Variants in ASAP1 observed in about 807,000 individuals in gnomAD.
ASAP1 encodes arf-GAP with SH3 domain, ANK repeat and PH domain-containing protein 1.
ASAP1 carries 43 observed loss-of-function variants against 145.2 expected under a neutral mutation model. The ratio of observed to expected loss-of-function variants is 0.30; its 90% CI spans 0.23 to 0.38. The LOEUF (loss-of-function observed/expected upper bound fraction) is 0.38. ASAP1 is among the 10% of genes least tolerant of loss of function. The pLI is 1.00. For synonymous variants in ASAP1, 546 were observed against 515.5 expected (o/e 1.06, Z -0.80); for missense variants, 1,018 against 1,355.3 (o/e 0.75, Z 3.91).
chr8:130,276,174 T>C (rs1349771319), intron 3 of ASAP1, among the ~76,000 whole-genome samples: 6 of 152,184 alleles, frequency 3.9e-5, no homozygotes, highest in East Asian at 1.9e-4. Flanking sequence ...AATTATGATG[T>C]TCCTGGGCAC....
intron 3 of ASAP1, among the ~76,000 whole-genome samples, chr8:130,327,887 G>C (rs77580775): frequency 0.026 from 3,998 of 152,284 alleles, 63 homozygotes; most frequent in Middle Eastern, 0.044. Context: ...AGTATGCTAC[G>C]TGAATTAAGC....
chr8:130,127,268 G>A (rs1374327589), intron 16 of ASAP1, among the ~76,000 whole-genome samples: 1 of 152,146 alleles, frequency 6.6e-6, no homozygotes, highest in Non-Finnish European at 1.5e-5. Flanking sequence ...CCAGGCTAGA[G>A]TGCAATGGTG....
chr8:130,173,811 G>A (rs575442899), intron 9 of ASAP1, among the ~76,000 whole-genome samples: 3 of 151,016 alleles, frequency 2.0e-5, no homozygotes, highest in Non-Finnish European at 2.9e-5. Context: ...GGTGGCTCAC[G>A]CCTGTAATCC....
At chr8:130,363,972 C>T (rs1286229553) in intron 2 of ASAP1, among the ~76,000 whole-genome samples, 1 of 152,128 alleles carries the variant, frequency 6.6e-6, no homozygotes, top group Non-Finnish European at 1.5e-5. Context: ...CACTTAGGCT[C>T]ATGTTCCCAT....
chr8:130,271,064 CCCACTGATCAGGAGAG>C (rs1408949859), intron 3 of ASAP1, among the ~76,000 whole-genome samples: 1 of 152,208 alleles, frequency 6.6e-6, no homozygotes, highest in East Asian at 1.9e-4. Context: ...CCAAGGATGG[CCCACTGATCAGGAGAG>C]CCTGCTGCCG....
At chr8:130,303,376 G>A (rs765307477) in intron 3 of ASAP1, among the ~76,000 whole-genome samples, 5 of 152,170 alleles carry the variant, frequency 3.3e-5, no homozygotes, top group Admixed American at 2.0e-4. Context: ...TGAACTGGAT[G>A]ACTCTTTGTT....
At chr8:130,351,075 G>C (rs1201780297) in intron 3 of ASAP1, among the ~76,000 whole-genome samples, 2 of 152,220 alleles carry the variant, frequency 1.3e-5, no homozygotes, top group Non-Finnish European at 2.9e-5. Context: ...CAGAAGAACA[G>C]AGAAAAGCAA....
intron 24 of ASAP1, among the ~76,000 whole-genome samples, chr8:130,101,167 G>A (rs9942745): frequency 0.16 from 24,590 of 152,142 alleles, 2,231 homozygotes; most frequent in African/African-American, 0.23. Context: ...ATACAAAGCT[G>A]TTCTGGTTAC....
At chr8:130,243,872 T>C (rs1818691713) in intron 3 of ASAP1, among the ~76,000 whole-genome samples, 1 of 152,186 alleles carries the variant, frequency 6.6e-6, no homozygotes, top group South Asian at 2.1e-4. Context: ...CTTATTGTTA[T>C]GCTCCTGCGT....
intron 1 of ASAP1, among the ~76,000 whole-genome samples, chr8:130,419,779 G>A (rs773049608): frequency 2.0e-5 from 3 of 152,038 alleles, no homozygotes; most frequent in Non-Finnish European, 2.9e-5. Context: ...ACTGTGAAAC[G>A]GCTGCTGGCC....
intron 3 of ASAP1, among the ~76,000 whole-genome samples, chr8:130,341,855 A>G (rs1458549042): frequency 1.3e-5 from 2 of 152,248 alleles, no homozygotes; most frequent in African/African-American, 2.4e-5. Flanking sequence ...GTAAAAGAGC[A>G]GCAAGAAACG....
At chr8:130,137,072 C>T (rs759223911) in intron 13 of ASAP1, 34 bp from the exon 14 acceptor site, 10 of 1,558,670 alleles carry the variant, frequency 6.4e-6, no homozygotes, top group Non-Finnish European at 8.9e-6. Flanking sequence ...AAGTTACATG[C>T]AGCTCCACTC....
At position 130,053,883 on chromosome 8, in the gene ASAP1, T is replaced by C. The variant is rs1011248352; in HGVS notation, c.*848A>G. On this transcript the variant is annotated 3_prime_UTR_variant, in exon 30 of 30. Transcript: ENST00000518721. ...TTTAAAAAATGTACAATTCCACTTA[T>C]CCATACTATTCCTTTATAAAAGGCA... 1.3e-5 allele frequency: 2 copies of C among 152,388 alleles called. 1 individual carries two copies. Among genetic ancestry groups the C allele is most frequent in the South Asian group, 4.1e-4 (2 of 4,832 alleles). 9.4% of individuals were successfully genotyped at this position (152,388 alleles called of 1,614,324 possible).
chr8:130,365,989 A>G (rs1565252288), intron 2 of ASAP1, among the ~76,000 whole-genome samples: 1 of 152,186 alleles, frequency 6.6e-6, no homozygotes, highest in Non-Finnish European at 1.5e-5. Flanking sequence ...TAAGGATAAC[A>G]TGCTTTCCAA....
intron 15 of ASAP1, among the ~76,000 whole-genome samples, 166 bp downstream of exon 15, chr8:130,134,130 C>A (rs892389902): frequency 6.6e-6 from 1 of 152,108 alleles, no homozygotes; most frequent in Non-Finnish European, 1.5e-5. Context: ...AGAGGGAGAA[C>A]CACAGACAGA....
rs768179280 is a variant in ASAP1 at position 130,267,103 on chromosome 8, AAAAC to A, written c.187-30113_187-30110del. Among the ~76,000 whole-genome samples the A allele has an allele frequency of 6.9e-3, 766 of 110,236 alleles. 8 individuals are homozygous for A. The highest frequency in any genetic ancestry group is 0.032 in the Admixed American group (359 of 11,342). The allele number at this position is 110,236 out of a possible 152,430, so 72.3% of individuals were successfully genotyped here. On this transcript the variant is annotated intron_variant, in intron 3 of 29. Coordinates refer to ENST00000518721, the MANE Select transcript of ASAP1 (RefSeq NM_018482.4). Reference sequence around the variant, plus strand: ...ACAGCCCAGAGTGAGACTCTGTCTCAAAACAAACAAACAAACAAACAAAAAAAAA... The same window carrying A: ...ACAGCCCAGAGTGAGACTCTGTCTCAAAACAAACAAACAAACAAAAAAAAA...
intron 12 of ASAP1, among the ~76,000 whole-genome samples, chr8:130,156,295 A>G (rs2097658118): frequency 6.6e-6 from 1 of 152,220 alleles, no homozygotes; most frequent in African/African-American, 2.4e-5. Context: ...ACTCTTCCAC[A>G]GAAGTCACAA....
intron 1 of ASAP1, among the ~76,000 whole-genome samples, chr8:130,441,710 G>C (rs7463793): frequency 1.3e-5 from 2 of 152,102 alleles, no homozygotes; most frequent in African/African-American, 2.4e-5. Context: ...AATCTGGCTC[G>C]CTGTGGCTGG....
At chr8:130,427,806 A>C (rs1829979197) in intron 1 of ASAP1, 1 of 152,374 alleles carries the variant, frequency 6.6e-6, no homozygotes, top group Middle Eastern at 3.4e-3. Context: ...TGCAATGCAC[A>C]GGGAGGCCAA....
Sources: gnomAD v4.1 joint callset for allele counts (sites outside exome capture counted in the v4.1 genomes callset) on GRCh38, gnomAD v4.1.1 for gene constraint, MANE v1.5 for transcripts, NCBI Gene and HGNC (gene_info 2026-07-23, HGNC 2026-07-21) for gene names.